The following IPO7 variants were observed in gnomAD, a reference collection of about 807,000 sequenced individuals.
The protein encoded by IPO7 is importin-7.
IPO7 carries 13 observed loss-of-function variants against 136.4 expected under a neutral mutation model. The observed-to-expected ratio is 0.10, with a 90% CI of 0.06 to 0.15. The LOEUF (loss-of-function observed/expected upper bound fraction) is 0.15, where lower values mean the gene tolerates loss of function less well. Among genes scored for constraint, IPO7 ranks in the 10% least tolerant of loss-of-function variants. The pLI is 1.00. For missense variants in IPO7, 857 were observed against 1,240.6 expected (o/e 0.69, Z 4.65); for synonymous variants, 403 against 404.4 (o/e 1.00, Z 0.04).
intron 1 of IPO7, among the ~76,000 whole-genome samples, chr11:9,397,341 A>AAAAAAAAATATATATATAT: frequency 7.4e-4 from 8 of 10,756 alleles, no homozygotes; most frequent in African/African-American, 1.0e-3. Flanking sequence ...TTTAAAAAAA[A>AAAAAAAAATATATATATAT]ATATATATAT....
intron 12 of IPO7, among the ~76,000 whole-genome samples, chr11:9,427,542 G>A (rs1383838964): frequency 6.6e-6 from 1 of 152,214 alleles, no homozygotes; most frequent in Non-Finnish European, 1.5e-5. Flanking sequence ...TTACAGGCGT[G>A]AATCACTGCA....
At chr11:9,436,222 T>C (rs756973985) in intron 19 of IPO7, 49 bp from the exon 20 acceptor site, 91 of 1,296,610 alleles carry the variant, frequency 7.0e-5, no homozygotes, top group African/African-American at 2.3e-4. Flanking sequence ...TTTAGATACC[T>C]GATTTAAAGG....
Position 9,413,360 on chromosome 11 carries a change from C to G in IPO7, c.480-895C>G, listed in dbSNP as rs76394829. 1.6e-4 allele frequency among the ~76,000 whole-genome samples: 24 copies of G among 152,210 alleles called. No individual in the cohort carries two copies. In the East Asian group the frequency reaches 4.4e-3, roughly 28 times the overall value. On this transcript the variant is annotated intron_variant, in intron 4 of 24. Transcript: ENST00000379719. ...GATGCTTTTAGAAATAAAATATTTTCTGCTTTATACATACCATTTCTGCTT... is the reference window on the plus strand; with the variant it reads ...GATGCTTTTAGAAATAAAATATTTTGTGCTTTATACATACCATTTCTGCTT...
intron 3 of IPO7, 110 bp downstream of exon 3, chr11:9,408,749 G>C: frequency 1.4e-6 from 1 of 696,168 alleles, no homozygotes; most frequent in Non-Finnish European, 2.0e-6. Context: ...CTTTCCCTCT[G>C]TGGCCAGGCT....
rs1183834774 is a variant in IPO7, at chr11:9,384,695, G to C, written c.-69G>C. The C allele has an allele frequency of 1.1e-5, 14 of 1,319,334 alleles. No individual in the cohort carries two copies. The highest frequency in any genetic ancestry group is 1.4e-5 in the Non-Finnish European group (13 of 950,616). 81.7% of individuals were successfully genotyped at this position (1,319,334 alleles called of 1,614,324 possible). A position where few individuals can be genotyped will look rare whatever the true frequency, so the allele number is the denominator to read the frequency against. ...GCTGCGGAGCGCGGCGGGTCCATGT[G>C]CGCAGTGAGTGGCGCTATTCCTGGC... On this transcript the variant is annotated 5_prime_UTR_variant, in exon 1 of 25. Transcript: ENST00000379719.
chr11:9,426,175 C>T (rs1855204389), intron 12 of IPO7, among the ~76,000 whole-genome samples: 1 of 152,242 alleles, frequency 6.6e-6, no homozygotes, highest in African/African-American at 2.4e-5. Context: ...AGTCACTCCA[C>T]ATATCACCCC....
intron 2 of IPO7, among the ~76,000 whole-genome samples, chr11:9,406,104 C>CTT (rs71062847): frequency 0.13 from 7,963 of 61,830 alleles, 3,114 homozygotes; most frequent in African/African-American, 0.19. Context: ...TGAGGCTGGT[C>CTT]TTTTTTTTTT....
chr11:9,385,725 GT>G (rs143006645), intron 1 of IPO7, among the ~76,000 whole-genome samples: 138 of 149,996 alleles, frequency 9.2e-4, no homozygotes, highest in African/African-American at 2.2e-3. Flanking sequence ...TTCTCTGAAG[GT>G]TTTTTTTTTC....
intron 14 of IPO7, 76 bp from the exon 15 acceptor site, chr11:9,429,598 C>T (rs1855264090): frequency 2.5e-6 from 3 of 1,197,762 alleles, no homozygotes; most frequent in East Asian, 5.1e-5. Context: ...TTTTAAAAAA[C>T]TCATCGATAT....
At position 9,438,266 on chromosome 11, in the gene IPO7, T is replaced by C. The variant is rs746041201; in HGVS notation, c.2676T>C (p.Ala892=). The change falls in exon 22 of 25, where the codon GCT becomes GCC. Residue 892 remains alanine (A), a synonymous_variant. Transcript: ENST00000379719. ...HENDSDDDDE[A]EDDDETEELG... ...ATGACAGTGATGATGATGATGAAGC[T>C]GAAGATGATGATGAAACCGGTAAGG... The C allele has an allele frequency of 4.5e-6, 7 of 1,554,902 alleles. No homozygotes were observed. In the East Asian group the frequency reaches 1.6e-4, roughly 35 times the overall value.
At chr11:9,423,951 A>C in intron 10 of IPO7, 75 bp downstream of exon 10, 1 of 797,538 alleles carries the variant, frequency 1.3e-6, no homozygotes, top group Admixed American at 2.0e-5. Flanking sequence ...TAGCCAACCT[A>C]GGGGGTATTA....
chr11:9,443,564 C>T (rs1280301912), intron 24 of IPO7, among the ~76,000 whole-genome samples: 2 of 145,748 alleles, frequency 1.4e-5, no homozygotes, highest in Non-Finnish European at 3.0e-5. Context: ...GCACTCCAGC[C>T]TGGGCAACAA....
Position 9,403,364 on chromosome 11 carries a change from A to G in IPO7, c.159A>G (p.Arg53=). ...CGGAACAGCTGGATTTACCTGTGAG[A>G]CAGGCAGGCAAGTTTCCTAAATTAT... The part of the protein sequence containing the change: ...TMSEQLDLPV[R]QAGVIYLKNM... The change falls in exon 2 of 25, where the codon AGA becomes AGG. Residue 53 remains arginine, a synonymous_variant. Transcript: ENST00000379719. The G allele has an allele frequency of 1.2e-6, 2 of 1,609,846 alleles. No homozygotes were observed. Among genetic ancestry groups the G allele is most frequent in the Non-Finnish European group, 1.7e-6 (2 of 1,176,360 alleles).
At chr11:9,388,923 AATTGTT>A (rs1460768072) in intron 1 of IPO7, among the ~76,000 whole-genome samples, 15 of 152,126 alleles carry the variant, frequency 9.9e-5, no homozygotes, top group Non-Finnish European at 1.5e-5. Flanking sequence ...TGAGGTCATG[AATTGTT>A]ATTTTTTGTT....
At chr11:9,431,880 C>T (rs1237106914) in intron 16 of IPO7, among the ~76,000 whole-genome samples, 2 of 152,150 alleles carry the variant, frequency 1.3e-5, no homozygotes, top group South Asian at 4.2e-4. Flanking sequence ...GAGGCTGAGG[C>T]AGGAGAATCA....
At chr11:9,423,180 A>G in intron 9 of IPO7, 40 bp downstream of exon 9, 1 of 1,358,710 alleles carries the variant, frequency 7.4e-7, no homozygotes, top group Non-Finnish European at 1.0e-6. Flanking sequence ...AGTAAATATA[A>G]TAGAAATGAC....
intron 5 of IPO7, chr11:9,414,665 C>T (rs900089838): frequency 8.1e-5 from 12 of 147,548 alleles, no homozygotes; most frequent in Admixed American, 1.4e-4. Context: ...CTCGTTCTGT[C>T]GCCCAGCTGG....
chr11:9,427,199 G>A (rs1187653866), intron 12 of IPO7, among the ~76,000 whole-genome samples: 4 of 152,256 alleles, frequency 2.6e-5, no homozygotes, highest in African/African-American at 9.6e-5. Flanking sequence ...TGAGTTGTTA[G>A]AAATCTTTAC....
chr11:9,444,727 T>C (rs1989293), intron 24 of IPO7, among the ~76,000 whole-genome samples: 68,110 of 150,488 alleles, frequency 0.45, 15,664 homozygotes, highest in Non-Finnish European at 0.5. Context: ...CCCAGCTACT[T>C]GGGAGGCTAA....
Sources: allele counts gnomAD v4.1 joint callset (sites outside exome capture counted in the v4.1 genomes callset), GRCh38; gene constraint gnomAD v4.1.1; transcripts MANE v1.5; gene names NCBI Gene and HGNC (gene_info 2026-07-23, HGNC 2026-07-21).